BRMS1: variants seen among roughly 807,000 people sequenced by gnomAD.
BRMS1 encodes BRMS1 transcriptional repressor and anoikis regulator.
BRMS1 carries 26 observed loss-of-function variants against 40.4 expected under a neutral mutation model. The ratio of observed to expected loss-of-function variants is 0.64; its 90% CI spans 0.47 to 0.89. The LOEUF is 0.89. Ranked by LOEUF, BRMS1 falls within the 40% of genes least tolerant of loss-of-function variation. The pLI, the probability that BRMS1 is intolerant of heterozygous loss-of-function variation, is 0.00. For synonymous variants in BRMS1, 103 were observed against 116.0 expected, an observed-to-expected ratio of 0.89 and a Z score of 0.72; for missense variants, 289 against 309.4, an observed-to-expected ratio of 0.93 and a Z score of 0.49.
Position 66,337,627 on chromosome 11 carries a change from AGGC to A in BRMS1, c.*252_*254del. The A allele has an allele frequency of 6.9e-7, 1 of 1,447,694 alleles. No homozygotes were observed. The highest frequency in any genetic ancestry group is 9.3e-7 in the Non-Finnish European group (1 of 1,075,434). 89.7% of individuals were successfully genotyped at this position (1,447,694 alleles called of 1,614,324 possible). A position where few individuals can be genotyped will look rare whatever the true frequency, so the allele number is the denominator to read the frequency against. ...TGGATCTTCAGGAGTGGGAGGTGGCAGGCGGCTCAGGGATGGAGACAGCAGCCT... is the reference window on the plus strand; with the variant it reads ...TGGATCTTCAGGAGTGGGAGGTGGCAGGCTCAGGGATGGAGACAGCAGCCT... On this transcript the variant is annotated 3_prime_UTR_variant, in exon 10 of 10. Transcript: ENST00000359957.
chr11:66,338,506 C>G (rs1854989697), intron 8 of BRMS1: 3 of 1,531,832 alleles, frequency 2.0e-6, no homozygotes, highest in Non-Finnish European at 2.6e-6. Context: ...AAACCTGCCC[C>G]AGAACGGGAA....
rs1421008337 is a variant in BRMS1 at position 66,338,745 on chromosome 11, C to T, written c.669G>A (p.Leu223=). Residue 223 remains leucine (L), a synonymous_variant, in exon 8 of 10, where the codon CTG becomes CTA. Transcript: ENST00000359957. ...CCTTTTTGATGGCTGTCCAGTCCTCCAGGATGTCGATCTCTTGAAGCATGT... is the reference window on the plus strand; with the variant it reads ...CCTTTTTGATGGCTGTCCAGTCCTCTAGGATGTCGATCTCTTGAAGCATGT... ...IVYMLQEIDI[L]EDWTAIKKAR... 1.9e-6 allele frequency: 3 copies of T among 1,596,622 alleles called. No homozygotes were observed. The highest frequency in any genetic ancestry group is 2.6e-6 in the Non-Finnish European group (3 of 1,170,630).
rs1468869031 is a variant in BRMS1 at position 66,340,196 on chromosome 11, G to C, written c.553C>G (p.Leu185Val). ...DLSSEWWDDK[L>V]HARGSSRSWD... is the part of the protein sequence containing the mutation. ...GACCTGGAGCTGCCTCTGGCGTGCA[G>C]TTTGTCATCCCACCATTCTGCCCCG... Residue 185 changes from leucine (L) to valine (V), a missense_variant, in exon 7 of 10, where the codon CTG (leucine) becomes GTG (valine). Physicochemically the swap from Leu to Val is conservative, Grantham distance 32. Transcript: ENST00000359957. 6.2e-6 allele frequency: 10 copies of C among 1,613,520 alleles called. No individual in the cohort carries two copies. Among genetic ancestry groups the C allele is most frequent in the Non-Finnish European group, 8.5e-6 (10 of 1,179,918 alleles).
At chr11:66,340,046 C>T (rs1590927778) in intron 7 of BRMS1, 75 bp downstream of exon 7, 3 of 1,298,734 alleles carry the variant, frequency 2.3e-6, no homozygotes, top group African/African-American at 2.9e-5. Context: ...CATGTCCCCT[C>T]CAACCCCCTC....
intron 1 of BRMS1, among the ~76,000 whole-genome samples, chr11:66,343,209 T>C (rs1006774152): frequency 1.3e-5 from 2 of 152,248 alleles, no homozygotes; most frequent in South Asian, 2.1e-4. Flanking sequence ...ATGTCCTCAA[T>C]CTCAGCTGAA....
chr11:66,338,579 C>T (rs1270305209), intron 8 of BRMS1, 142 bp downstream of exon 8: 2 of 1,553,136 alleles, frequency 1.3e-6, no homozygotes, highest in Non-Finnish European at 1.7e-6. Flanking sequence ...GACTTGTGAG[C>T]CAACTGCGAT....
chr11:66,343,586 G>A (rs371296558), intron 1 of BRMS1, among the ~76,000 whole-genome samples: 29 of 152,288 alleles, frequency 1.9e-4, no homozygotes, highest in African/African-American at 6.7e-4. Context: ...GACCAGCTGG[G>A]TGAGCTGCAC....
In BRMS1 at chr11:66,341,930, CTGTG is replaced by C. The variant is rs534684471; in HGVS notation, c.139+162_139+165del. The C allele has an allele frequency of 2.7e-4, 205 of 747,082 alleles. No homozygotes were observed. In the African/African-American group the frequency reaches 3.6e-3, roughly 13 times the overall value. The allele number at this position is 747,082 out of a possible 1,614,324, so 46.3% of individuals were successfully genotyped here. ...GTGTGTGCGTGCTTGTGTGTAGGGG[CTGTG>C]TGTGCGTGTGTGCGCTTGTGTGCAG... On this transcript the variant is annotated intron_variant, in intron 2 of 9. Coordinates refer to ENST00000359957, the MANE Select transcript of BRMS1 (RefSeq NM_015399.4). The surrounding 1 kb of genome is among the most constrained non-coding windows in gnomAD (Gnocchi z 4.9).
At position 66,337,505 on chromosome 11, in the gene BRMS1, C is replaced by A. The variant is rs532482698; in HGVS notation, c.*377G>T. The A allele has an allele frequency of 1.0e-4, 64 of 631,320 alleles. No individual in the cohort carries two copies. The South Asian group carries it at 1.2e-3, about 12-fold the overall frequency. 39.1% of individuals were successfully genotyped at this position (631,320 alleles called of 1,614,324 possible). A position where few individuals can be genotyped will look rare whatever the true frequency, so the allele number is the denominator to read the frequency against. ...AGAGTTCCCGCACAGTGGAAACTGG[C>A]TCCCTGGCCCTGAGGCCGGACAGCC... On this transcript the variant is annotated 3_prime_UTR_variant, in exon 10 of 10. Coordinates refer to ENST00000359957, the MANE Select transcript of BRMS1 (RefSeq NM_015399.4).
chr11:66,342,034 T>C, intron 2 of BRMS1, 62 bp downstream of exon 2: 1 of 1,541,228 alleles, frequency 6.5e-7, no homozygotes, highest in Non-Finnish European at 8.8e-7. Flanking sequence ...GCTGTGTGTG[T>C]GCATGTGTGT....
In BRMS1 at chr11:66,340,352, C is replaced by A. The variant is rs557972014; in HGVS notation, c.536-139G>T. The A allele has an allele frequency of 4.4e-6, 3 of 678,290 alleles. No homozygotes were observed. In the African/African-American group the frequency reaches 5.4e-5, roughly 12 times the overall value. The allele number at this position is 678,290 out of a possible 1,614,324, so 42.0% of individuals were successfully genotyped here. A position where few individuals can be genotyped will look rare whatever the true frequency, so the allele number is the denominator to read the frequency against. On this transcript the variant is annotated intron_variant, in intron 6 of 9. Coordinates refer to ENST00000359957, the MANE Select transcript of BRMS1 (RefSeq NM_015399.4). ...CACCCTGGGCTTGGGGTAGAAGCCC[C>A]TTAGGGCTGTTCAGGTCCTGCCTGC...
rs1438971205 is a variant in BRMS1, at chr11:66,341,187, T to C, written c.358+19A>G. On this transcript the variant is annotated intron_variant, in intron 4 of 9. Transcript: ENST00000359957. This position sits in a 1 kb window ranked among gnomAD's most constrained non-coding sequence, Gnocchi z 4.9. The stretch of plus-strand genomic sequence containing the variant: ...CACGGGTTCTGGGAGGGGAAGAGGG[T>C]ACAGAACCACCCACAGACCTGCCAC... 1.2e-6 allele frequency: 2 copies of C among 1,611,610 alleles called. No homozygotes were observed. Among genetic ancestry groups the C allele is most frequent in the East Asian group, 2.2e-5 (1 of 44,782 alleles).
At position 66,340,794 on chromosome 11, in the gene BRMS1, T is replaced by C. The variant is rs1248505855; in HGVS notation, c.515A>G (p.Gln172Arg). The part of the protein sequence containing the change: ...ERIQRLEEDR[Q>R]SLDLSSEWWD... The stretch of plus-strand genomic sequence containing the variant: ...CTTACCAGAGCTGAGGTCCAGGCTC[T>C]GGCGGTCCTCCTCCAGCCTCTGGAT... The change falls in exon 6 of 10, where the codon CAG becomes CGG. Residue 172 changes from glutamine to arginine, a missense_variant. Gln to Arg is a conservative substitution (Grantham distance 43, BLOSUM62 1). Transcript: ENST00000359957. 3 of 1,612,742 alleles carry C rather than the reference T, an allele frequency of 1.9e-6. No individual in the cohort carries two copies. The Admixed American group carries it at 5.0e-5, about 27-fold the overall frequency.
At position 66,340,287 on chromosome 11, in the gene BRMS1, A is replaced by C. The variant is rs1230451672; in HGVS notation, c.536-74T>G. 3 of 1,369,276 alleles carry C rather than the reference A, an allele frequency of 2.2e-6. No homozygotes were observed. The East Asian group carries it at 7.0e-5, about 32-fold the overall frequency. The allele number at this position is 1,369,276 out of a possible 1,614,324, so 84.8% of individuals were successfully genotyped here. ...TCCCTTTTCTGTAGCCTCTGCCTCC[A>C]CCATGGGCCGGCCTGGCCTCATCTC... On this transcript the variant is annotated intron_variant, in intron 6 of 9. Transcript: ENST00000359957.
chr11:66,337,994 G>T, intron 9 of BRMS1, 105 bp from the exon 10 acceptor site: 1 of 1,346,824 alleles, frequency 7.4e-7, no homozygotes, highest in South Asian at 1.3e-5. Flanking sequence ...CAGGCCTCCT[G>T]GGCAGCTCCA....
chr11:66,341,901 G>C lies in BRMS1; in HGVS notation c.139+195C>G. On this transcript the variant is annotated intron_variant, in intron 2 of 9. Transcript: ENST00000359957. The surrounding 1 kb of genome is among the most constrained non-coding windows in gnomAD (Gnocchi z 4.9). ...GTGTGCATACGTGCTTGTGTGTAGG[G>C]GCTGTGTGTGCGTGCTTGTGTGTAG... The C allele has an allele frequency of 1.5e-6, 1 of 674,484 alleles. No individual in the cohort carries two copies. Among genetic ancestry groups the C allele is most frequent in the South Asian group, 1.8e-5 (1 of 56,926 alleles). 41.8% of individuals were successfully genotyped at this position (674,484 alleles called of 1,614,324 possible).
intron 6 of BRMS1, 21 bp downstream of exon 6, chr11:66,340,753 T>G (rs1336378062): frequency 6.2e-7 from 1 of 1,600,098 alleles, no homozygotes; most frequent in African/African-American, 1.3e-5. Flanking sequence ...AGTTCCGGGG[T>G]GCCCAGGCTC....
chr11:66,342,529 G>A (rs1855111301), intron 1 of BRMS1, among the ~76,000 whole-genome samples: 4 of 152,166 alleles, frequency 2.6e-5, no homozygotes, highest in African/African-American at 9.7e-5. Context: ...GGCCCAGGGG[G>A]CACTCTCCAC....
rs187725522 is a variant in BRMS1, at chr11:66,339,350, G to A, written c.629-565C>T. On this transcript the variant is annotated intron_variant, in intron 7 of 9. Transcript: ENST00000359957. ...GAAAGCACAGCAGGCCCTGGACTAA[G>A]CTTAAGCTAGCCCTGCCTAGGAAGG... Among the ~76,000 whole-genome samples, 29 of 152,374 alleles carry A rather than the reference G, an allele frequency of 1.9e-4. No homozygotes were observed. The East Asian group carries it at 5.6e-3, about 29-fold the overall frequency.
Sources: allele counts gnomAD v4.1 joint callset (sites outside exome capture counted in the v4.1 genomes callset), GRCh38; gene constraint gnomAD v4.1.1; non-coding constraint Gnocchi (gnomAD v3.1); transcripts MANE v1.5; gene names NCBI Gene and HGNC (gene_info 2026-07-23, HGNC 2026-07-21).